The following PKNOX2 variants were observed in gnomAD, a reference collection of about 807,000 sequenced individuals.
PKNOX2 encodes homeobox protein PKNOX2.
PKNOX2 carries 14 observed loss-of-function variants against 53.1 expected under a neutral mutation model. That is an observed-to-expected ratio of 0.26 (90% CI 0.17 to 0.41). PKNOX2 has a LOEUF of 0.41. Ranked by LOEUF, PKNOX2 falls within the 10% of genes least tolerant of loss-of-function variation. PKNOX2 has a pLI of 1.00. For synonymous variants in PKNOX2, 257 were observed against 242.8 expected (o/e 1.06, Z -0.54); for missense variants, 496 against 602.8 (o/e 0.82, Z 1.85).
intron 2 of PKNOX2, among the ~76,000 whole-genome samples, chr11:125,306,194 G>T (rs1172494976): frequency 1.3e-5 from 2 of 152,088 alleles, no homozygotes. Flanking sequence ...CTGCCCGGCG[G>T]CAGGTGGCTG....
chr11:125,299,403 G>T (rs927516247), intron 2 of PKNOX2, among the ~76,000 whole-genome samples: 1 of 151,668 alleles, frequency 6.6e-6, no homozygotes, highest in African/African-American at 2.4e-5. Context: ...CCCTCCCTGG[G>T]CACAAGACGA....
chr11:125,339,852 G>A (rs958189131), intron 3 of PKNOX2, among the ~76,000 whole-genome samples: 2 of 152,308 alleles, frequency 1.3e-5, no homozygotes, highest in Non-Finnish European at 2.9e-5. Context: ...GCAGTCTTCA[G>A]CCATACATTT....
intron 2 of PKNOX2, among the ~76,000 whole-genome samples, chr11:125,299,807 C>G (rs1947910366): frequency 6.6e-6 from 1 of 152,080 alleles, no homozygotes. Context: ...GGCTGCTCTG[C>G]TTTCCTGAGC....
At chr11:125,371,290 C>T (rs766349398) in intron 5 of PKNOX2, among the ~76,000 whole-genome samples, 3 of 152,038 alleles carry the variant, frequency 2.0e-5, no homozygotes, top group Non-Finnish European at 4.4e-5. Flanking sequence ...AGAGGGGGTC[C>T]AAAGAGGGGA....
In PKNOX2 at chr11:125,431,673, T is replaced by G; in HGVS notation, c.*281T>G. ...GGAAAGACAGGAGTGAGATCTGGAC[T>G]CACCAAATCCCTGAGGATAGATGGC... On this transcript the variant is annotated 3_prime_UTR_variant, in exon 13 of 13. Transcript: ENST00000298282. 1 of 458,842 alleles carries G rather than the reference T, an allele frequency of 2.2e-6. No homozygotes were observed. The allele number at this position is 458,842 out of a possible 1,614,324, so 28.4% of individuals were successfully genotyped here.
intron 1 of PKNOX2, among the ~76,000 whole-genome samples, chr11:125,231,195 A>G (rs1942177134): frequency 1.3e-5 from 2 of 152,230 alleles, no homozygotes; most frequent in South Asian, 2.1e-4. Context: ...TCTCTGTGTC[A>G]GACCTATGGC....
intron 2 of PKNOX2, among the ~76,000 whole-genome samples, chr11:125,327,877 G>A (rs1020128961): frequency 1.3e-5 from 2 of 152,154 alleles, no homozygotes; most frequent in African/African-American, 4.8e-5. Flanking sequence ...CCTGTGTGAG[G>A]GCATGCTGGT....
intron 2 of PKNOX2, among the ~76,000 whole-genome samples, chr11:125,300,633 GAGAC>G (rs1287442658): frequency 9.2e-5 from 14 of 152,250 alleles, no homozygotes; most frequent in African/African-American, 2.9e-4. Context: ...GAAACAGAGA[GAGAC>G]AGAGAAACAA....
intron 2 of PKNOX2, among the ~76,000 whole-genome samples, chr11:125,283,983 G>A (rs1946738341): frequency 6.6e-6 from 1 of 152,216 alleles, no homozygotes; most frequent in Non-Finnish European, 1.5e-5. Context: ...TTGGTTCTGA[G>A]AGTCACTAAG....
intron 2 of PKNOX2, among the ~76,000 whole-genome samples, chr11:125,288,917 C>T (rs186400083): frequency 6.6e-5 from 10 of 152,364 alleles, no homozygotes; most frequent in East Asian, 3.9e-4. Flanking sequence ...AACACACACA[C>T]GCTCTATCAG....
chr11:125,187,445 T>C (rs898825676), intron 1 of PKNOX2, among the ~76,000 whole-genome samples: 3 of 152,188 alleles, frequency 2.0e-5, no homozygotes, highest in African/African-American at 7.2e-5. Context: ...TTTCTAGATT[T>C]TAAAAAATAT....
At chr11:125,401,270 G>T (rs552050042) in intron 7 of PKNOX2, among the ~76,000 whole-genome samples, 4 of 152,178 alleles carry the variant, frequency 2.6e-5, no homozygotes, top group Non-Finnish European at 5.9e-5. Context: ...ACGATACTGA[G>T]AACGACGGGG....
intron 1 of PKNOX2, among the ~76,000 whole-genome samples, chr11:125,204,424 C>T (rs1033664087): frequency 6.6e-6 from 1 of 152,154 alleles, no homozygotes. Flanking sequence ...TGGTCCCTGG[C>T]CACACTGTGA....
At chr11:125,377,359 G>A (rs1231365872) in intron 5 of PKNOX2, among the ~76,000 whole-genome samples, 1 of 152,190 alleles carries the variant, frequency 6.6e-6, no homozygotes, top group African/African-American at 2.4e-5. Flanking sequence ...GGAGGCGATG[G>A]TTTCTCTTGC....
At chr11:125,248,252 T>C (rs943744751) in intron 2 of PKNOX2, among the ~76,000 whole-genome samples, 5 of 152,366 alleles carry the variant, frequency 3.3e-5, no homozygotes, top group African/African-American at 1.2e-4. Context: ...CTAATGAACC[T>C]GAAGGCAATT....
intron 2 of PKNOX2, among the ~76,000 whole-genome samples, chr11:125,269,342 C>G (rs1019779814): frequency 6.6e-6 from 1 of 152,134 alleles, no homozygotes; most frequent in African/African-American, 2.4e-5. Flanking sequence ...CCTACAGGAA[C>G]CATCTGATCT....
chr11:125,360,525 G>A lies in PKNOX2; in HGVS notation c.88-7321G>A, dbSNP rs549047589. On this transcript the variant is annotated intron_variant, in intron 4 of 12. Transcript: ENST00000298282. ...CAGAGGAACTGAGTCCTTGCCTTGG[G>A]CATGCCACTCAATTCCAAGCTGGTA... is the stretch of plus-strand genomic sequence containing the variant. 7.2e-5 allele frequency among the ~76,000 whole-genome samples: 11 copies of A among 152,274 alleles called. 1 individual carries two copies. The South Asian group carries it at 2.3e-3, about 32-fold the overall frequency.
At chr11:125,206,578 G>A (rs1481541251) in intron 1 of PKNOX2, among the ~76,000 whole-genome samples, 3 of 152,020 alleles carry the variant, frequency 2.0e-5, no homozygotes, top group Admixed American at 6.6e-5. Context: ...ATGAAATAGC[G>A]GCTGAGAAGC....
intron 4 of PKNOX2, among the ~76,000 whole-genome samples, chr11:125,357,069 G>A (rs981612811): frequency 9.9e-5 from 15 of 152,240 alleles, no homozygotes; most frequent in Non-Finnish European, 1.5e-5. Context: ...GATGGTGATT[G>A]ATGGCTCCCT....
Sources: allele counts gnomAD v4.1 joint callset (sites outside exome capture counted in the v4.1 genomes callset), GRCh38; gene constraint gnomAD v4.1.1; transcripts MANE v1.5; gene names NCBI Gene and HGNC (gene_info 2026-07-23, HGNC 2026-07-21).